CCDC171: variants seen among roughly 807,000 people sequenced by gnomAD.
CCDC171 encodes coiled-coil domain-containing protein 171.
CCDC171 carries 177 observed loss-of-function variants against 168.2 expected under a neutral mutation model. The ratio of observed to expected loss-of-function variants is 1.05; its 90% CI spans 0.93 to 1.19. The LOEUF (loss-of-function observed/expected upper bound fraction) is 1.19, where lower values mean the gene tolerates loss of function less well. Among genes scored for constraint, CCDC171 ranks in the 50% most tolerant of loss-of-function variants. The pLI is 0.00. For missense variants in CCDC171, 1,991 were observed against 1,539.0 expected (o/e 1.29, Z -4.91); for synonymous variants, 687 against 540.8 (o/e 1.27, Z -3.75).
At chr9:16,100,443 T>G in the CCDC171 span, among the ~76,000 whole-genome samples, 1 of 152,110 alleles carries the variant, frequency 6.6e-6, no homozygotes, top group Non-Finnish European at 1.5e-5. Context: ...TCACAGGTAT[T>G]TTGCCTGAGA....
Position 15,623,475 on chromosome 9 carries a change from G to GCGCGCA in CCDC171, c.822+63_822+64insGCGCAC. On this transcript the variant is annotated intron_variant, in intron 7 of 25. Coordinates refer to ENST00000380701, the MANE Select transcript of CCDC171 (RefSeq NM_173550.4). ...CAAACTTTCACATATGCGCGCGCGC[G>GCGCGCA]CACACACACACACACACACACACAC... is the stretch of plus-strand genomic sequence containing the variant. The GCGCGCA allele has an allele frequency of 5.4e-4, 169 of 315,416 alleles. 1 individual carries two copies. The highest frequency in any genetic ancestry group is 6.1e-4 in the Non-Finnish European group (105 of 172,612). The allele number at this position is 315,416 out of a possible 1,614,324, so 19.5% of individuals were successfully genotyped here.
chr9:15,676,163 AT>A (rs958091883), intron 9 of CCDC171, among the ~76,000 whole-genome samples: 11 of 151,840 alleles, frequency 7.2e-5, no homozygotes, highest in Admixed American at 1.3e-4. Flanking sequence ...ACTTGATCGA[AT>A]TGGCTATTGA....
At chr9:15,877,268 G>A (rs1817969779) in intron 24 of CCDC171, among the ~76,000 whole-genome samples, 1 of 152,066 alleles carries the variant, frequency 6.6e-6, no homozygotes, top group South Asian at 2.1e-4. Flanking sequence ...GATGTAAAGT[G>A]TAGTACAGTG....
At chr9:15,772,894 T>C (rs1372206831) in intron 18 of CCDC171, among the ~76,000 whole-genome samples, 1 of 152,014 alleles carries the variant, frequency 6.6e-6, no homozygotes, top group Non-Finnish European at 1.5e-5. Context: ...GCAAGGGAAA[T>C]GGAGATGTCA....
At chr9:15,946,177 G>C (rs1198341495) in intron 25 of CCDC171, among the ~76,000 whole-genome samples, 1 of 151,914 alleles carries the variant, frequency 6.6e-6, no homozygotes, top group Non-Finnish European at 1.5e-5. Context: ...GTTTGTCAAA[G>C]ATCAGATAGT....
intron 11 of CCDC171, among the ~76,000 whole-genome samples, chr9:15,715,949 A>T (rs2053051781): frequency 6.6e-6 from 1 of 152,192 alleles, no homozygotes; most frequent in Middle Eastern, 3.2e-3. Context: ...TCAAGAAAAG[A>T]TTTGCCAAAG....
Position 15,756,533 on chromosome 9 carries a change from C to G in CCDC171, c.2671+10902C>G, listed in dbSNP as rs551484227. On this transcript the variant is annotated intron_variant, in intron 18 of 25. Transcript: ENST00000380701. Reference sequence around the variant, plus strand: ...AGGCAGTTTTTCAGCCCTTACCCACCTCTTTCACTCCCTACTCTAGTAGTC... The same window carrying G: ...AGGCAGTTTTTCAGCCCTTACCCACGTCTTTCACTCCCTACTCTAGTAGTC... 5.9e-5 allele frequency among the ~76,000 whole-genome samples: 9 copies of G among 152,300 alleles called. No homozygotes were observed. The East Asian group carries it at 7.7e-4, about 13-fold the overall frequency.
At chr9:15,979,649 A>G (rs1831731405) in intron 3 of CCDC171, among the ~76,000 whole-genome samples, 1 of 151,924 alleles carries the variant, frequency 6.6e-6, no homozygotes, top group Non-Finnish European at 1.5e-5. Flanking sequence ...TCACTTGGTC[A>G]TGGTGTGGTA....
intron 3 of CCDC171, 146 bp downstream of exon 3, chr9:15,571,905 T>C (rs1289131459): frequency 3.1e-6 from 2 of 644,118 alleles, no homozygotes; most frequent in Non-Finnish European, 5.1e-6. Context: ...AACATAATTT[T>C]AAAATGTAGT....
chr9:16,069,143 G>A, the CCDC171 span, among the ~76,000 whole-genome samples: 1 of 152,176 alleles, frequency 6.6e-6, no homozygotes, highest in Non-Finnish European at 1.5e-5. Context: ...TTACACTGGC[G>A]ATTTAGGCCT....
At chr9:15,775,549 A>C (rs1588428506) in intron 18 of CCDC171, among the ~76,000 whole-genome samples, 1 of 152,070 alleles carries the variant, frequency 6.6e-6, no homozygotes, top group Non-Finnish European at 1.5e-5. Context: ...CGATCTCCTG[A>C]CCTCGTGATC....
At position 15,984,310 on chromosome 9, in the gene CCDC171, A is replaced by C. The variant is rs906612797; in HGVS notation, n.369-36279A>C. On this transcript the variant is annotated intron_variant and non_coding_transcript_variant, in intron 3 of 9. Transcript: ENST00000486641. ...TAGAGAGGACTTAAAAGATGATGCT[A>C]ACTTTGTGCCGGTAATAGTGTCACT... 1.3e-4 allele frequency among the ~76,000 whole-genome samples: 20 copies of C among 152,164 alleles called. 1 individual carries two copies. The highest frequency in any genetic ancestry group is 4.6e-4 in the African/African-American group (19 of 41,430).
the CCDC171 span, among the ~76,000 whole-genome samples, chr9:16,100,782 A>T: frequency 6.6e-6 from 1 of 152,154 alleles, no homozygotes; most frequent in African/African-American, 2.4e-5. Flanking sequence ...TCTGTAGCCC[A>T]GAGAGCCTGT....
At chr9:16,076,143 G>C in the CCDC171 span, among the ~76,000 whole-genome samples, 1 of 152,202 alleles carries the variant, frequency 6.6e-6, no homozygotes, top group Admixed American at 6.5e-5. Context: ...CTGCTTATCA[G>C]TTCTTTACCC....
chr9:15,940,018 A>G (rs115953652), intron 25 of CCDC171, among the ~76,000 whole-genome samples: 1,916 of 151,968 alleles, frequency 0.013, 28 homozygotes, highest in African/African-American at 0.044. Flanking sequence ...GTTTCTTCCA[A>G]CAAAAATACT....
Position 15,589,028 on chromosome 9 carries a change from T to C in CCDC171, c.353-2338T>C, listed in dbSNP as rs552354713. Among the ~76,000 whole-genome samples, 14 of 152,028 alleles carry C rather than the reference T, an allele frequency of 9.2e-5. No individual in the cohort carries two copies. The East Asian group carries it at 2.3e-3, about 25-fold the overall frequency. ...CCCAGCCGTGTTTTTTTTTTAGAGC[T>C]ATGTTGTTGCCCCACAGAAAACGTC... On this transcript the variant is annotated intron_variant, in intron 4 of 25. Coordinates refer to ENST00000380701, the MANE Select transcript of CCDC171 (RefSeq NM_173550.4).
At chr9:15,748,109 C>A (rs1164364610) in intron 18 of CCDC171, among the ~76,000 whole-genome samples, 7 of 152,116 alleles carry the variant, frequency 4.6e-5, no homozygotes, top group Admixed American at 3.3e-4. Context: ...GAGCAAGTGA[C>A]TTAACCTCTC....
intron 14 of CCDC171, among the ~76,000 whole-genome samples, chr9:15,725,538 C>T (rs2053745995): frequency 1.3e-5 from 2 of 152,114 alleles, no homozygotes; most frequent in Non-Finnish European, 2.9e-5. Context: ...CAACCTCCAC[C>T]TCCCAGGTTC....
intron 22 of CCDC171, among the ~76,000 whole-genome samples, chr9:15,848,177 A>G (rs894229901): frequency 6.6e-6 from 1 of 152,004 alleles, no homozygotes; most frequent in Non-Finnish European, 1.5e-5. Context: ...TGACATGTCT[A>G]TGATCTGTGA....
Sources: gnomAD v4.1 joint callset for allele counts (sites outside exome capture counted in the v4.1 genomes callset) on GRCh38, gnomAD v4.1.1 for gene constraint, MANE v1.5 for transcripts, NCBI Gene and HGNC (gene_info 2026-07-23, HGNC 2026-07-21) for gene names.